Variants in TAFA2 observed in about 807,000 individuals in gnomAD.
TAFA2 encodes the protein chemokine-like protein TAFA-2.
TAFA2 carries 7 observed loss-of-function variants against 18.8 expected under a neutral mutation model. The ratio of observed to expected loss-of-function variants is 0.37; its 90% CI spans 0.21 to 0.70. The LOEUF (loss-of-function observed/expected upper bound fraction) is 0.70, where lower values mean the gene tolerates loss of function less well. TAFA2 is among the 30% of genes least tolerant of loss of function. The pLI, the probability that TAFA2 is intolerant of heterozygous loss-of-function variation, is 0.53. For missense variants in TAFA2, 122 were observed against 158.1 expected (o/e 0.77, Z 1.23); for synonymous variants, 60 against 54.2 (o/e 1.11, Z -0.47).
intron 2 of TAFA2, among the ~76,000 whole-genome samples, chr12:61,858,338 A>T (rs1873974994): frequency 6.6e-6 from 1 of 152,176 alleles, no homozygotes; most frequent in Non-Finnish European, 1.5e-5. Flanking sequence ...TCCTGACTGG[A>T]TGTTGAATGA....
chr12:62,154,743 T>C (rs1353651440), intron 1 of TAFA2, among the ~76,000 whole-genome samples: 1 of 152,112 alleles, frequency 6.6e-6, no homozygotes, highest in Non-Finnish European at 1.5e-5. Context: ...TTACCTAATA[T>C]ATGTTAGCTC....
chr12:62,071,865 A>G (rs1366535042), intron 1 of TAFA2, among the ~76,000 whole-genome samples: 1 of 152,198 alleles, frequency 6.6e-6, no homozygotes, highest in Non-Finnish European at 1.5e-5. Flanking sequence ...TTGTGAGGAT[A>G]GGGGAAATAC....
At chr12:61,926,318 G>A (rs376831796) in intron 1 of TAFA2, among the ~76,000 whole-genome samples, 7 of 152,160 alleles carry the variant, frequency 4.6e-5, no homozygotes, top group Non-Finnish European at 8.8e-5. Flanking sequence ...AATAGAAAAA[G>A]AGGGACTCCT....
rs1001442578 is a variant in TAFA2 at position 62,167,762 on chromosome 12, T to C, written c.-2+23497A>G. ...TAGTCATTCCTACTAAAAGGAGCCA[T>C]GGCTTCTTGGGAAAATCATTTATTA... On this transcript the variant is annotated intron_variant, in intron 1 of 4. Transcript: ENST00000416284. Among the ~76,000 whole-genome samples the C allele has an allele frequency of 2.6e-5, 4 of 152,294 alleles. No individual in the cohort carries two copies. The East Asian group carries it at 7.7e-4, about 29-fold the overall frequency.
rs145501935 is a variant in TAFA2, at chr12:61,973,008, T to G, written c.-1-105582A>C. Among the ~76,000 whole-genome samples the G allele has an allele frequency of 3.3e-5, 5 of 151,814 alleles. 1 individual carries two copies. The highest frequency in any genetic ancestry group is 1.2e-4 in the African/African-American group (5 of 41,518). Reference sequence around the variant, plus strand: ...TGCTAGTACCAGAAAAATAGAACACTTACTATATTAGCATCCCAGAAAAAG... The same window carrying G: ...TGCTAGTACCAGAAAAATAGAACACGTACTATATTAGCATCCCAGAAAAAG... On this transcript the variant is annotated intron_variant, in intron 1 of 4. Transcript: ENST00000416284.
chr12:61,763,614 C>T (rs1390436204), intron 2 of TAFA2, among the ~76,000 whole-genome samples: 2 of 151,970 alleles, frequency 1.3e-5, no homozygotes, highest in African/African-American at 4.8e-5. Context: ...TGAAATCCAT[C>T]TCTTCAGAAA....
At chr12:61,937,586 G>A (rs1401608074) in intron 1 of TAFA2, among the ~76,000 whole-genome samples, 2 of 152,100 alleles carry the variant, frequency 1.3e-5, no homozygotes, top group Non-Finnish European at 2.9e-5. Flanking sequence ...AATGATGCTG[G>A]GAAAATGGAT....
At chr12:61,967,541 C>T (rs1879109976) in intron 1 of TAFA2, among the ~76,000 whole-genome samples, 1 of 151,848 alleles carries the variant, frequency 6.6e-6, no homozygotes, top group South Asian at 2.1e-4. Context: ...ACAACACGTG[C>T]ATTATATCAA....
At chr12:62,079,851 C>T (rs1868293132) in intron 1 of TAFA2, among the ~76,000 whole-genome samples, 1 of 152,186 alleles carries the variant, frequency 6.6e-6, no homozygotes. Context: ...AGTATCTTCC[C>T]TCTTTATTAA....
At chr12:62,053,319 A>G (rs1252191170) in intron 1 of TAFA2, among the ~76,000 whole-genome samples, 1 of 152,200 alleles carries the variant, frequency 6.6e-6, no homozygotes, top group East Asian at 1.9e-4. Flanking sequence ...CTAAATACAT[A>G]TATTTAATAT....
At chr12:62,159,410 AAG>A (rs2062391707) in intron 1 of TAFA2, among the ~76,000 whole-genome samples, 1 of 152,178 alleles carries the variant, frequency 6.6e-6, no homozygotes, top group Admixed American at 6.5e-5. Flanking sequence ...TAAAATTCTT[AAG>A]TATCTTGTAA....
At position 61,805,088 on chromosome 12, in the gene TAFA2, C is replaced by T. The variant is rs553768843; in HGVS notation, c.107-50064G>A. Among the ~76,000 whole-genome samples, 3 of 151,920 alleles carry T rather than the reference C, an allele frequency of 2.0e-5. No individual in the cohort carries two copies. The South Asian group carries it at 6.2e-4, about 32-fold the overall frequency. The stretch of plus-strand genomic sequence containing the variant: ...AGTATTCCTAGCCCAAAGTTAACAA[C>T]TCTATTTTATCTGTCTAGAAAAGGG... On this transcript the variant is annotated intron_variant, in intron 2 of 4. Coordinates refer to ENST00000416284, the MANE Select transcript of TAFA2 (RefSeq NM_178539.5).
At chr12:61,998,561 G>A (rs953561455) in intron 1 of TAFA2, among the ~76,000 whole-genome samples, 5 of 152,084 alleles carry the variant, frequency 3.3e-5, no homozygotes, top group Admixed American at 1.3e-4. Context: ...TATATTAAGT[G>A]TATACTATTA....
At chr12:62,097,080 T>G (rs1325395985) in intron 1 of TAFA2, among the ~76,000 whole-genome samples, 1 of 152,176 alleles carries the variant, frequency 6.6e-6, no homozygotes, top group Non-Finnish European at 1.5e-5. Context: ...TCTGCTTCTG[T>G]TTCTTCATTG....
intron 2 of TAFA2, among the ~76,000 whole-genome samples, chr12:61,762,640 T>C (rs116049657): frequency 0.018 from 2,744 of 150,124 alleles, 82 homozygotes; most frequent in African/African-American, 0.062. Flanking sequence ...TTTTTATATA[T>C]ATATATATAT....
intron 2 of TAFA2, among the ~76,000 whole-genome samples, chr12:61,774,600 T>A (rs186593745): frequency 6.6e-6 from 1 of 151,914 alleles, no homozygotes; most frequent in East Asian, 1.9e-4. Context: ...TTCTCACTTA[T>A]AAGTGGAAGC....
At chr12:61,895,279 T>G (rs1875793377) in intron 1 of TAFA2, among the ~76,000 whole-genome samples, 1 of 152,170 alleles carries the variant, frequency 6.6e-6, no homozygotes, top group Non-Finnish European at 1.5e-5. Flanking sequence ...GCCAAGATTT[T>G]AAACAATCTG....
chr12:62,246,131 C>T (rs1239643164), intron 1 of TAFA2, among the ~76,000 whole-genome samples: 2 of 151,926 alleles, frequency 1.3e-5, no homozygotes, highest in South Asian at 2.1e-4. Flanking sequence ...GGACTACAGG[C>T]GCCCGCCACA....
chr12:61,711,133 A>G (rs1179201920), intron 4 of TAFA2, among the ~76,000 whole-genome samples: 1 of 152,062 alleles, frequency 6.6e-6, no homozygotes, highest in Non-Finnish European at 1.5e-5. Flanking sequence ...ACTAAAGTCC[A>G]AAGACCATTT....
Sources: gnomAD v4.1 joint callset for allele counts (sites outside exome capture counted in the v4.1 genomes callset) on GRCh38, gnomAD v4.1.1 for gene constraint, MANE v1.5 for transcripts, NCBI Gene and HGNC (gene_info 2026-07-23, HGNC 2026-07-21) for gene names.